The following GPC6 variants were observed in gnomAD, a reference collection of about 807,000 sequenced individuals.
The protein encoded by GPC6 is glypican-6.
GPC6 carries 14 observed loss-of-function variants against 55.2 expected under a neutral mutation model. The observed-to-expected ratio is 0.25, with a 90% CI of 0.17 to 0.40. The LOEUF is 0.40. Ranked by LOEUF, GPC6 falls within the 10% of genes least tolerant of loss-of-function variation. The pLI is 1.00. For synonymous variants in GPC6, 278 were observed against 259.6 expected (o/e 1.07, Z -0.68); for missense variants, 641 against 708.5 (o/e 0.90, Z 1.08).
rs77493533 is a variant in GPC6, at chr13:94,265,164, G to A, written c.878-21185G>A. ...AGAATCCGGTGGTTAGATAACTGGC[G>A]TGTAATATGAAAAGGGAGTGTATTA... On this transcript the variant is annotated intron_variant, in intron 4 of 8. Coordinates refer to ENST00000377047, the MANE Select transcript of GPC6 (RefSeq NM_005708.5). 3.3e-3 allele frequency among the ~76,000 whole-genome samples: 504 copies of A among 152,246 alleles called. 16 individuals are homozygous for A. In the East Asian group the frequency reaches 0.069, roughly 21 times the overall value.
At chr13:94,191,033 G>A (rs1276108750) in intron 4 of GPC6, among the ~76,000 whole-genome samples, 2 of 152,076 alleles carry the variant, frequency 1.3e-5, no homozygotes, top group Non-Finnish European at 2.9e-5. Context: ...TGGATAAAGA[G>A]TATACAAATG....
In GPC6 at chr13:93,987,758, A is replaced by G. The variant is rs1455529077; in HGVS notation, c.712-39971A>G. 5.3e-5 allele frequency among the ~76,000 whole-genome samples: 8 copies of G among 152,164 alleles called. No homozygotes were observed. In the East Asian group the frequency reaches 7.7e-4, roughly 15 times the overall value. On this transcript the variant is annotated intron_variant, in intron 3 of 8. Transcript: ENST00000377047. ...AATCATCTGTTTGAAAGCTCTGTCA[A>G]GAGAAAGGAATCAATATAGTACATT...
chr13:93,745,048 T>C (rs756550349), intron 2 of GPC6, among the ~76,000 whole-genome samples: 33 of 151,968 alleles, frequency 2.2e-4, no homozygotes, highest in Non-Finnish European at 4.6e-4. Flanking sequence ...CCAACTCCAA[T>C]CTGAGCTCAG....
At chr13:93,615,392 G>A (rs960769940) in intron 2 of GPC6, among the ~76,000 whole-genome samples, 9 of 151,982 alleles carry the variant, frequency 5.9e-5, no homozygotes, top group Admixed American at 5.2e-4. Flanking sequence ...CCCTTTTGTC[G>A]AGAGGATTCA....
chr13:93,744,727 C>G (rs76210710), intron 2 of GPC6, among the ~76,000 whole-genome samples: 1 of 151,274 alleles, frequency 6.6e-6, no homozygotes, highest in Non-Finnish European at 1.5e-5. Context: ...ATCACGAGTT[C>G]GAGACCAGAC....
At chr13:93,862,181 A>G (rs947085484) in intron 3 of GPC6, among the ~76,000 whole-genome samples, 3 of 151,740 alleles carry the variant, frequency 2.0e-5, no homozygotes, top group Non-Finnish European at 4.4e-5. Flanking sequence ...AATGAAGAGC[A>G]AATGTAATTC....
At chr13:93,765,542 A>G (rs1005184476) in intron 2 of GPC6, among the ~76,000 whole-genome samples, 9 of 152,132 alleles carry the variant, frequency 5.9e-5, no homozygotes, top group African/African-American at 1.9e-4. Context: ...GCCTTCTAGA[A>G]AATAGAATCA....
At chr13:93,809,705 A>G (rs1372663409) in intron 2 of GPC6, among the ~76,000 whole-genome samples, 2 of 151,990 alleles carry the variant, frequency 1.3e-5, no homozygotes, top group Non-Finnish European at 2.9e-5. Flanking sequence ...ACCACTGTCC[A>G]CTCACTCTTG....
At chr13:93,281,992 C>A (rs1389252472) in intron 1 of GPC6, among the ~76,000 whole-genome samples, 3 of 152,086 alleles carry the variant, frequency 2.0e-5, no homozygotes, top group African/African-American at 7.2e-5. Context: ...GTGCGAAGGA[C>A]CAATTTAGCC....
At chr13:94,377,279 T>A (rs1380326179) in intron 6 of GPC6, among the ~76,000 whole-genome samples, 7 of 133,434 alleles carry the variant, frequency 5.2e-5, no homozygotes, top group Non-Finnish European at 6.4e-5. Flanking sequence ...TGGGAGAAAA[T>A]TTTTGCAACC....
At chr13:94,083,912 G>A (rs548459573) in intron 4 of GPC6, among the ~76,000 whole-genome samples, 3 of 152,274 alleles carry the variant, frequency 2.0e-5, no homozygotes, top group African/African-American at 7.2e-5. Flanking sequence ...AGAGCACAGG[G>A]CTATATAATG....
intron 3 of GPC6, among the ~76,000 whole-genome samples, chr13:93,979,755 G>T (rs1475473667): frequency 6.6e-6 from 1 of 152,032 alleles, no homozygotes; most frequent in African/African-American, 2.4e-5. Flanking sequence ...AATTTTAATA[G>T]CTGCCTCGTA....
rs535827111 is a variant in GPC6 at position 94,064,583 on chromosome 13, C to A, written c.877+36689C>A. On this transcript the variant is annotated intron_variant, in intron 4 of 8. Transcript: ENST00000377047. Reference sequence around the variant, plus strand: ...ACTCATCTTGAATTTCCAAAATGGCCACACTCATGTTTATTTCAGAGCCAT... The same window carrying A: ...ACTCATCTTGAATTTCCAAAATGGCAACACTCATGTTTATTTCAGAGCCAT... 5.3e-5 allele frequency among the ~76,000 whole-genome samples: 8 copies of A among 152,184 alleles called. No individual in the cohort carries two copies. In the East Asian group the frequency reaches 1.6e-3, roughly 30 times the overall value.
intron 4 of GPC6, among the ~76,000 whole-genome samples, chr13:94,235,157 C>G (rs17253766): frequency 0.24 from 36,966 of 151,884 alleles, 4,640 homozygotes; most frequent in East Asian, 0.39. Flanking sequence ...CCTCAGGATA[C>G]CTGGGCACAC....
At chr13:94,383,018 A>C (rs962453962) in intron 7 of GPC6, among the ~76,000 whole-genome samples, 1 of 152,164 alleles carries the variant, frequency 6.6e-6, no homozygotes, top group African/African-American at 2.4e-5. Context: ...AAAATGTCTG[A>C]GGGACACTGA....
chr13:94,274,614 C>T (rs890146212), intron 4 of GPC6, among the ~76,000 whole-genome samples: 3 of 152,146 alleles, frequency 2.0e-5, no homozygotes, highest in African/African-American at 7.2e-5. Flanking sequence ...TTGATGTTTA[C>T]TGAATGTGGA....
In GPC6 at chr13:94,008,836, A is replaced by C. The variant is rs776775498; in HGVS notation, c.712-18893A>C. Among the ~76,000 whole-genome samples the C allele has an allele frequency of 7.0e-4, 106 of 152,276 alleles. 1 individual carries two copies. Among genetic ancestry groups the C allele is most frequent in the Non-Finnish European group, 1.1e-3 (77 of 68,022 alleles). On this transcript the variant is annotated intron_variant, in intron 3 of 8. Transcript: ENST00000377047. ...AGACATAAGCAGGTTTTTCTTTAACAGTTGTTTTCCTTTCTCCTGAACTTG... is the reference window on the plus strand; with the variant it reads ...AGACATAAGCAGGTTTTTCTTTAACCGTTGTTTTCCTTTCTCCTGAACTTG...
chr13:94,223,583 G>A (rs542833021), intron 4 of GPC6, among the ~76,000 whole-genome samples: 11 of 152,240 alleles, frequency 7.2e-5, no homozygotes, highest in African/African-American at 2.6e-4. Flanking sequence ...TCCCTGCGTA[G>A]CTCCATGAGG....
intron 2 of GPC6, among the ~76,000 whole-genome samples, chr13:93,724,673 C>A (rs1212277039): frequency 1.3e-5 from 2 of 151,954 alleles, no homozygotes; most frequent in Non-Finnish European, 2.9e-5. Flanking sequence ...ATTCAACACA[C>A]CTTTTCTCTA....
Sources: allele counts gnomAD v4.1 joint callset (sites outside exome capture counted in the v4.1 genomes callset), GRCh38; gene constraint gnomAD v4.1.1; transcripts MANE v1.5; gene names NCBI Gene and HGNC (gene_info 2026-07-23, HGNC 2026-07-21).